Variants in PRR16 observed in about 807,000 individuals in gnomAD.
PRR16 encodes proline rich 16.
In PRR16, 6 loss-of-function variants were observed where a neutral mutation model predicts 18.2. That is an observed-to-expected ratio of 0.33 (90% CI 0.18 to 0.65). The LOEUF (loss-of-function observed/expected upper bound fraction) is 0.65, where lower values mean the gene tolerates loss of function less well. PRR16 is among the 30% of genes least tolerant of loss of function. The pLI, the probability that PRR16 is intolerant of heterozygous loss-of-function variation, is 0.74. For missense variants in PRR16, 412 were observed against 376.6 expected (o/e 1.09, Z -0.78); for synonymous variants, 151 against 147.8 (o/e 1.02, Z -0.16).
At chr5:120,790,344 T>A in the PRR16 span, 1 of 152,178 alleles carries the variant, frequency 6.6e-6, no homozygotes, top group African/African-American at 2.4e-5. Flanking sequence ...CCAACAAAAT[T>A]AATATTAAGC....
intron 1 of PRR16, among the ~76,000 whole-genome samples, chr5:120,474,746 T>C (rs1749384580): frequency 6.6e-6 from 1 of 152,192 alleles, no homozygotes; most frequent in African/African-American, 2.4e-5. Context: ...GAAATAAAAG[T>C]TAAATTGGTA....
At chr5:120,783,332 CTT>C in the PRR16 span, among the ~76,000 whole-genome samples, 1 of 152,196 alleles carries the variant, frequency 6.6e-6, no homozygotes, top group South Asian at 2.1e-4. Context: ...CCATAAATGA[CTT>C]TTTCTAATTC....
the PRR16 span, among the ~76,000 whole-genome samples, chr5:120,724,773 T>C: frequency 1.3e-5 from 2 of 152,076 alleles, no homozygotes; most frequent in Non-Finnish European, 2.9e-5. Context: ...AGGGCATAAT[T>C]AAATTTCCAT....
the PRR16 span, among the ~76,000 whole-genome samples, chr5:120,756,253 C>T: frequency 6.6e-6 from 1 of 152,062 alleles, no homozygotes. Context: ...GAGGGGCTTG[C>T]AAAGGGAGTA....
At chr5:120,593,403 G>A (rs1009005319) in intron 1 of PRR16, among the ~76,000 whole-genome samples, 2 of 151,968 alleles carry the variant, frequency 1.3e-5, no homozygotes, top group African/African-American at 4.8e-5. Context: ...ATATCTGGGA[G>A]AAGTGGATAA....
At chr5:120,786,531 A>T in the PRR16 span, among the ~76,000 whole-genome samples, 1 of 121,608 alleles carries the variant, frequency 8.2e-6, no homozygotes, top group East Asian at 2.0e-4. Flanking sequence ...TGTATATTAT[A>T]TATATTATTT....
intron 1 of PRR16, among the ~76,000 whole-genome samples, chr5:120,540,512 C>T (rs1048584198): frequency 1.3e-5 from 2 of 152,144 alleles, no homozygotes; most frequent in Non-Finnish European, 2.9e-5. Flanking sequence ...GTATTTTGGT[C>T]ACGTAGCCTT....
chr5:120,476,360 A>G (rs1192415942), intron 1 of PRR16, among the ~76,000 whole-genome samples: 6 of 151,902 alleles, frequency 3.9e-5, no homozygotes, highest in African/African-American at 1.5e-4. Flanking sequence ...ATTTTACCCA[A>G]CTTGATATCT....
intron 1 of PRR16, among the ~76,000 whole-genome samples, chr5:120,680,390 G>A (rs1324004080): frequency 6.6e-6 from 1 of 152,032 alleles, no homozygotes; most frequent in Non-Finnish European, 1.5e-5. Flanking sequence ...GATACATATA[G>A]AACTAGTTAA....
At chr5:120,615,384 CTTTTTTTTT>C (rs10717083) in intron 1 of PRR16, among the ~76,000 whole-genome samples, 2 of 119,486 alleles carry the variant, frequency 1.7e-5, no homozygotes, top group Admixed American at 1.7e-4. Context: ...TCTTTCTTTT[CTTTTTTTTT>C]TTTTTTTTTG....
Position 120,464,330 on chromosome 5 carries a change from C to A in PRR16, c.-157C>A. 1 of 747,478 alleles carries A rather than the reference C, an allele frequency of 1.3e-6. No individual in the cohort carries two copies. The highest frequency in any genetic ancestry group is 1.9e-6 in the Non-Finnish European group (1 of 521,662). The allele number at this position is 747,478 out of a possible 1,614,324, so 46.3% of individuals were successfully genotyped here. ...ATGGCAGCACCACTGTGCGGCCGCCCGGCCGAGCGCGGAGCGCAGCCACTC... is the reference window on the plus strand; with the variant it reads ...ATGGCAGCACCACTGTGCGGCCGCCAGGCCGAGCGCGGAGCGCAGCCACTC... On this transcript the variant is annotated 5_prime_UTR_variant, in exon 1 of 2. Transcript: ENST00000407149.
intron 1 of PRR16, among the ~76,000 whole-genome samples, chr5:120,580,173 C>A (rs183015771): frequency 1.3e-5 from 2 of 152,264 alleles, no homozygotes; most frequent in East Asian, 3.9e-4. Context: ...ATGTCATCTG[C>A]AAACAGAGAC....
intron 1 of PRR16, among the ~76,000 whole-genome samples, chr5:120,638,059 A>T (rs1755299038): frequency 6.6e-6 from 1 of 152,102 alleles, no homozygotes; most frequent in Non-Finnish European, 1.5e-5. Context: ...TAAACATGAA[A>T]TTCATTTATG....
the PRR16 span, among the ~76,000 whole-genome samples, chr5:120,783,482 A>T: frequency 6.6e-6 from 1 of 152,120 alleles, no homozygotes; most frequent in East Asian, 1.9e-4. Context: ...CTGCATTGAG[A>T]TCATTTTCTC....
the PRR16 span, among the ~76,000 whole-genome samples, chr5:120,754,502 T>TAG: frequency 1.5e-4 from 11 of 75,668 alleles, no homozygotes; most frequent in Non-Finnish European, 2.5e-4. Flanking sequence ...ATGTATTTTA[T>TAG]TATGTATATT....
intron 1 of PRR16, among the ~76,000 whole-genome samples, chr5:120,553,313 G>T (rs1030850678): frequency 6.6e-6 from 1 of 151,824 alleles, no homozygotes; most frequent in Admixed American, 6.6e-5. Context: ...ACATAGGAAG[G>T]ACTGTTCTCA....
chr5:120,497,860 A>G (rs555529559), intron 1 of PRR16, among the ~76,000 whole-genome samples: 3 of 151,620 alleles, frequency 2.0e-5, no homozygotes, highest in South Asian at 4.2e-4. Flanking sequence ...ATATTAATAT[A>G]GTCACTCTTG....
At chr5:120,480,826 A>G (rs558795018) in intron 1 of PRR16, among the ~76,000 whole-genome samples, 27 of 152,334 alleles carry the variant, frequency 1.8e-4, no homozygotes, top group Admixed American at 3.3e-4. Context: ...ACTGAGCTGA[A>G]ACAAGATGAT....
chr5:120,577,092 G>A (rs775192130), intron 1 of PRR16, among the ~76,000 whole-genome samples: 11 of 151,770 alleles, frequency 7.2e-5, no homozygotes, highest in Non-Finnish European at 1.0e-4. Flanking sequence ...TTCAGGAAAT[G>A]GTTAAAAATG....
Sources: gnomAD v4.1 joint callset for allele counts (sites outside exome capture counted in the v4.1 genomes callset) on GRCh38, gnomAD v4.1.1 for gene constraint, MANE v1.5 for transcripts, NCBI Gene and HGNC (gene_info 2026-07-23, HGNC 2026-07-21) for gene names.